SMIM31: variants seen among roughly 807,000 people sequenced by gnomAD.
The protein encoded by SMIM31 is human epithelial cell program regulator.
chr4:164,784,496 G>C (rs1249029171), intron 2 of SMIM31, among the ~76,000 whole-genome samples: 2 of 152,192 alleles, frequency 1.3e-5, no homozygotes, highest in East Asian at 3.8e-4. Flanking sequence ...ACCACAAACA[G>C]GTAGAATCAG....
chr4:164,755,711 A>G (rs1054163044), intron 1 of SMIM31, among the ~76,000 whole-genome samples: 1 of 152,022 alleles, frequency 6.6e-6, no homozygotes, highest in East Asian at 1.9e-4. Flanking sequence ...CTTTTGTCCC[A>G]TGTGATAAAA....
intron 1 of SMIM31, among the ~76,000 whole-genome samples, chr4:164,756,584 AT>A (rs200544514): frequency 0.11 from 16,414 of 151,054 alleles, 973 homozygotes; most frequent in African/African-American, 0.15. Flanking sequence ...AAAAAAAATA[AT>A]AATAATATAA....
Position 164,801,416 on chromosome 4 carries a change from T to A in SMIM31, c.*222T>A, listed in dbSNP as rs1235463596. The A allele has an allele frequency of 2.8e-6, 1 of 352,778 alleles. No individual in the cohort carries two copies. The highest frequency in any genetic ancestry group is 4.7e-5 in the Admixed American group (1 of 21,376). The allele number at this position is 352,778 out of a possible 1,614,324, so 21.9% of individuals were successfully genotyped here. On this transcript the variant is annotated 3_prime_UTR_variant, in exon 3 of 3. Coordinates refer to ENST00000507311, the MANE Select transcript of SMIM31 (RefSeq NM_001352885.1). ...ATATCTATTAAGAGCCATACACCATTCTAGCTGCAATTGATTATACAAAAA... is the reference window on the plus strand; with the variant it reads ...ATATCTATTAAGAGCCATACACCATACTAGCTGCAATTGATTATACAAAAA...
chr4:164,772,822 C>T (rs1489479890), intron 2 of SMIM31, among the ~76,000 whole-genome samples: 5 of 151,564 alleles, frequency 3.3e-5, no homozygotes, highest in Non-Finnish European at 7.4e-5. Context: ...TCGTGATCCG[C>T]CCGCCTCGGC....
At chr4:164,780,448 T>C (rs1732935051) in intron 2 of SMIM31, among the ~76,000 whole-genome samples, 1 of 152,222 alleles carries the variant, frequency 6.6e-6, no homozygotes, top group East Asian at 1.9e-4. Flanking sequence ...AAAAAACGAA[T>C]AGCTTCTTCT....
At chr4:164,775,655 AAC>A (rs796601878) in intron 2 of SMIM31, among the ~76,000 whole-genome samples, 15 of 152,270 alleles carry the variant, frequency 9.9e-5, no homozygotes, top group African/African-American at 3.6e-4. Flanking sequence ...TCTTTGACAA[AAC>A]ACAGTCTGGT....
chr4:164,772,830 G>A lies in SMIM31; in HGVS notation c.112+2275G>A, dbSNP rs942405352. On this transcript the variant is annotated intron_variant, in intron 2 of 2. Transcript: ENST00000507311. ...CCTGACCTCGTGATCCGCCCGCCTC[G>A]GCCTCCCAAAGTGCTGGGATTACAG... is the stretch of plus-strand genomic sequence containing the variant. Among the ~76,000 whole-genome samples, 5 of 151,198 alleles carry A rather than the reference G, an allele frequency of 3.3e-5. No homozygotes were observed. The East Asian group carries it at 5.8e-4, about 18-fold the overall frequency.
At chr4:164,783,232 A>AAC (rs147369524) in intron 2 of SMIM31, among the ~76,000 whole-genome samples, 2 of 127,226 alleles carry the variant, frequency 1.6e-5, no homozygotes, top group Non-Finnish European at 3.3e-5. Context: ...AAAAAAAAAA[A>AAC]GGAATTTCTG....
chr4:164,782,694 A>C (rs1732970470), intron 2 of SMIM31, among the ~76,000 whole-genome samples: 1 of 151,762 alleles, frequency 6.6e-6, no homozygotes, highest in Non-Finnish European at 1.5e-5. Context: ...AATGCTACTT[A>C]ATTCAGCATT....
chr4:164,773,606 A>T (rs929322063), intron 2 of SMIM31, among the ~76,000 whole-genome samples: 4 of 152,144 alleles, frequency 2.6e-5, no homozygotes, highest in Non-Finnish European at 5.9e-5. Context: ...TGCCCCCATG[A>T]TTCTATTACC....
chr4:164,762,246 T>C (rs1732660442), intron 1 of SMIM31, among the ~76,000 whole-genome samples: 1 of 152,080 alleles, frequency 6.6e-6, no homozygotes, highest in African/African-American at 2.4e-5. Flanking sequence ...AAAAACAGAA[T>C]AATCTCTGCA....
chr4:164,791,688 CTATTAT>C (rs1244803528), intron 2 of SMIM31, among the ~76,000 whole-genome samples: 1 of 152,026 alleles, frequency 6.6e-6, no homozygotes, highest in African/African-American at 2.4e-5. Flanking sequence ...AATAATATTA[CTATTAT>C]TATTATTTAA....
At chr4:164,766,884 G>A (rs539082938) in intron 1 of SMIM31, among the ~76,000 whole-genome samples, 1 of 152,260 alleles carries the variant, frequency 6.6e-6, no homozygotes, top group Admixed American at 6.5e-5. Context: ...TAGAAGTCAA[G>A]AAATGCCTCT....
At chr4:164,755,566 GAGGGGAGGGGAGGGGAGGGA>G in intron 1 of SMIM31, among the ~76,000 whole-genome samples, 4 of 58,740 alleles carry the variant, frequency 6.8e-5, no homozygotes, top group African/African-American at 1.8e-4. Context: ...GAGGGGAGGG[GAGGGGAGGGGAGGGGAGGGA>G]AATCTGTGGC....
At chr4:164,758,050 TA>T in intron 1 of SMIM31, among the ~76,000 whole-genome samples, 2 of 152,254 alleles carry the variant, frequency 1.3e-5, no homozygotes, top group Middle Eastern at 3.4e-3. Flanking sequence ...TCTCTCAATT[TA>T]TTTAGATATT....
rs141645457 is a variant in SMIM31 at position 164,765,517 on chromosome 4, C to T, written c.-25-4902C>T. Among the ~76,000 whole-genome samples the T allele has an allele frequency of 3.1e-3, 461 of 149,440 alleles. 2 individuals are homozygous for T. The highest frequency in any genetic ancestry group is 4.0e-3 in the Non-Finnish European group (272 of 67,728). On this transcript the variant is annotated intron_variant, in intron 1 of 2. Transcript: ENST00000507311. ...CAGAACCACCCTCCTACAGATAAAA[C>T]GGAAAAAAGTGCCACTGGTTTCAGA... is the stretch of plus-strand genomic sequence containing the variant.
chr4:164,766,832 T>C (rs1401697105), intron 1 of SMIM31, among the ~76,000 whole-genome samples: 2 of 150,512 alleles, frequency 1.3e-5, no homozygotes, highest in East Asian at 1.9e-4. Context: ...CAATGGAGAA[T>C]AGCTGTGATG....
chr4:164,782,316 A>G (rs1335234304), intron 2 of SMIM31, among the ~76,000 whole-genome samples: 1 of 151,498 alleles, frequency 6.6e-6, no homozygotes, highest in African/African-American at 2.4e-5. Flanking sequence ...ATTTTACCCT[A>G]CATACATTTT....
chr4:164,781,892 G>A (rs534812249), intron 2 of SMIM31, among the ~76,000 whole-genome samples: 1 of 152,222 alleles, frequency 6.6e-6, no homozygotes, highest in Non-Finnish European at 1.5e-5. Flanking sequence ...CTACAAAGGA[G>A]TAGCACGGGG....
Sources: gnomAD v4.1 joint callset for allele counts (sites outside exome capture counted in the v4.1 genomes callset) on GRCh38, gnomAD v4.1.1 for gene constraint, MANE v1.5 for transcripts, NCBI Gene and HGNC (gene_info 2026-07-23, HGNC 2026-07-21) for gene names.